Variants in PFKFB1 observed in about 807,000 individuals in gnomAD.
The protein encoded by PFKFB1 is 6-phosphofructo-2-kinase/fructose-2,6-biphosphatase 1, also known as 6-phosphofructo-2-kinase/fructose-2,6-bisphosphatase 1.
A neutral mutation model predicts 46.4 loss-of-function variants in PFKFB1; 34 were observed. That is an observed-to-expected ratio of 0.73 (90% CI 0.56 to 0.98). PFKFB1 has a LOEUF of 0.98. Among genes scored for constraint, PFKFB1 ranks in the 50% least tolerant of loss-of-function variants. The probability of loss-of-function intolerance (pLI) is 0.00; values close to 1 mark genes in which losing one functional copy is unlikely to be tolerated. For missense variants in PFKFB1, 393 were observed against 376.3 expected, an observed-to-expected ratio of 1.04 and a Z score of -0.37; for synonymous variants, 119 against 133.8, an observed-to-expected ratio of 0.89 and a Z score of 0.76.
At chrX:54,941,625 A>C (rs1379633998) in intron 10 of PFKFB1, among the ~76,000 whole-genome samples, 1 of 112,616 alleles carries the variant, frequency 8.9e-6, no homozygotes, top group Non-Finnish European at 1.9e-5. Flanking sequence ...CTATGCAGCC[A>C]AAAGACACAT....
intron 1 of PFKFB1, among the ~76,000 whole-genome samples, chrX:54,970,680 G>A (rs1456735514): frequency 6.1e-5 from 2 of 33,017 alleles, no homozygotes; most frequent in South Asian, 8.1e-3. Context: ...CATTTTTTAT[G>A]GCTGCATAGT....
At chrX:54,962,355 C>T (rs1371233142) in intron 2 of PFKFB1, among the ~76,000 whole-genome samples, 2 of 111,938 alleles carry the variant, frequency 1.8e-5, no homozygotes, top group African/African-American at 3.2e-5. Context: ...GTTGGCATAT[C>T]CCTTTGTGAT....
chrX:54,945,518 T>C lies in PFKFB1; in HGVS notation c.1019A>G (p.Glu340Gly). 1 of 1,186,612 alleles carries C rather than the reference T, an allele frequency of 8.4e-7. No homozygotes were observed. Among genetic ancestry groups the C allele is most frequent in the Non-Finnish European group, 1.1e-6 (1 of 874,359 alleles). ...DAGVCEEMTY[E>G]EIQEHYPEEF... ...TTCAGGGTAATGTTCCTGGATTTCT[T>C]CATAGGTCATCTCCTCACAGACACC... Residue 340 changes from glutamate to glycine, a missense_variant, in exon 10 of 14, where the codon GAA (glutamate) becomes GGA (glycine). Physicochemically the swap from Glu to Gly is moderately conservative, Grantham distance 98. Coordinates refer to ENST00000375006, the MANE Select transcript of PFKFB1 (RefSeq NM_002625.4).
At position 54,952,070 on chromosome X, in the gene PFKFB1, G is replaced by C; in HGVS notation, c.681C>G (p.Tyr227Ter). 8.3e-7 allele frequency: 1 copy of C among 1,211,684 alleles called. No individual in the cohort carries two copies. The highest frequency in any genetic ancestry group is 1.1e-6 in the Non-Finnish European group (1 of 895,299). The change falls in exon 8 of 14, where the codon TAC becomes TAG. Residue 227 changes from tyrosine (Y) to a stop codon, truncating the protein, a stop_gained. Coordinates refer to ENST00000375006, the MANE Select transcript of PFKFB1 (RefSeq NM_002625.4). LOFTEE classifies it high-confidence loss of function. ...TGTGATCCTGCACTCGGTTCACCAT[G>C]TAGCGTGTGCCCACGTCGAAGATCT... ...YIKIFDVGTRYMVNRVQDHIQ... is the reference protein window; with the variant it reads ...YIKIFDVGTR
intron 1 of PFKFB1, among the ~76,000 whole-genome samples, chrX:54,967,329 G>A (rs1425436839): frequency 8.9e-6 from 1 of 111,893 alleles, no homozygotes; most frequent in African/African-American, 3.2e-5. Context: ...AAGCGATTTT[G>A]GAACAAATAT....
At chrX:54,972,551 C>T (rs190982165) in intron 1 of PFKFB1, among the ~76,000 whole-genome samples, 8 of 111,345 alleles carry the variant, frequency 7.2e-5, no homozygotes, top group South Asian at 3.8e-4. Flanking sequence ...GCATGAAGGG[C>T]TGTTGAATTT....
intron 1 of PFKFB1, among the ~76,000 whole-genome samples, chrX:54,972,410 T>C (rs1934699366): frequency 9.1e-6 from 1 of 109,626 alleles, no homozygotes; most frequent in Non-Finnish European, 1.9e-5. Context: ...CATCCCTGTC[T>C]TGTGCCAGTT....
intron 1 of PFKFB1, among the ~76,000 whole-genome samples, chrX:54,991,870 GA>G (rs1935251533): frequency 9.0e-6 from 1 of 111,543 alleles, no homozygotes; most frequent in Admixed American, 9.5e-5. Context: ...GATGAGAAAA[GA>G]ATATGCACAG....
intron 1 of PFKFB1, among the ~76,000 whole-genome samples, 174 bp from the exon 2 acceptor site, chrX:54,963,556 G>C (rs1295247859): frequency 8.9e-6 from 1 of 112,501 alleles, no homozygotes; most frequent in Non-Finnish European, 1.9e-5. Context: ...TGAGGTTGCA[G>C]TACCACAAAC....
Position 54,956,182 on chromosome X carries a change from G to C in PFKFB1, c.609C>G (p.Asn203Lys). ...FLKRIECYEV[N>K]YQPLDEELDS... ...CCAGTTCCTCATCCAAGGGTTGGTAGTTGACCTCATAGCACTCAATTCTCT... is the reference window on the plus strand; with the variant it reads ...CCAGTTCCTCATCCAAGGGTTGGTACTTGACCTCATAGCACTCAATTCTCT... Residue 203 changes from asparagine to lysine, a missense_variant, in exon 7 of 14, where the codon AAC becomes AAG. Physicochemically the swap from Asn to Lys is moderately conservative, Grantham distance 94 (BLOSUM62 0). Coordinates refer to ENST00000375006, the MANE Select transcript of PFKFB1 (RefSeq NM_002625.4). 8.3e-7 allele frequency: 1 copy of C among 1,209,179 alleles called. No homozygotes were observed. Among genetic ancestry groups the C allele is most frequent in the Non-Finnish European group, 1.1e-6 (1 of 893,104 alleles).
chrX:54,973,544 T>G (rs1019824599), intron 1 of PFKFB1, among the ~76,000 whole-genome samples: 2 of 111,726 alleles, frequency 1.8e-5, no homozygotes, highest in Non-Finnish European at 3.8e-5. Flanking sequence ...TGTTGTGTCT[T>G]GTTCTCGTTG....
chrX:54,947,180 A>G (rs1260174514), intron 9 of PFKFB1, among the ~76,000 whole-genome samples: 2 of 111,865 alleles, frequency 1.8e-5, no homozygotes, highest in Non-Finnish European at 3.8e-5. Flanking sequence ...CTCAAACCTG[A>G]GGCTTCAGCT....
chrX:54,977,475 C>A (rs1051820395), intron 1 of PFKFB1, among the ~76,000 whole-genome samples: 3 of 111,129 alleles, frequency 2.7e-5, no homozygotes, highest in Non-Finnish European at 5.7e-5. Flanking sequence ...TCAGGTATTT[C>A]ACAGTCTAAG....
Position 54,951,932 on chromosome X carries a change from G to A in PFKFB1, c.819C>T (p.Asp273=). Residue 273 remains aspartate, a synonymous_variant, in exon 8 of 14, where the codon GAC becomes GAT. Transcript: ENST00000375006. ...GCTTGCCGCGAACTGAGAGGCCAGA[G>A]TCACCTCCGATGCGGCCTCTGATGT... ...ELNIRGRIGG[D]SGLSVRGKQY... 8.3e-7 allele frequency: 1 copy of A among 1,204,621 alleles called. No homozygotes were observed. The highest frequency in any genetic ancestry group is 1.1e-6 in the Non-Finnish European group (1 of 891,555).
At chrX:54,984,355 T>C (rs1004331859) in intron 1 of PFKFB1, among the ~76,000 whole-genome samples, 5 of 111,999 alleles carry the variant, frequency 4.5e-5, no homozygotes, top group African/African-American at 1.6e-4. Context: ...GGCTGCAAGA[T>C]ACAAGATCAA....
At chrX:54,964,391 C>A (rs538562566) in intron 1 of PFKFB1, among the ~76,000 whole-genome samples, 1 of 110,034 alleles carries the variant, frequency 9.1e-6, no homozygotes, top group East Asian at 2.8e-4. Context: ...GATATATTAT[C>A]TCCAGGGTGT....
chrX:54,976,320 A>T (rs1233111381), intron 1 of PFKFB1, among the ~76,000 whole-genome samples: 1 of 111,722 alleles, frequency 9.0e-6, no homozygotes, highest in East Asian at 2.8e-4. Context: ...TTAGCAAAGC[A>T]TCTGAACAAA....
At chrX:54,953,275 G>A (rs1464511431) in intron 7 of PFKFB1, among the ~76,000 whole-genome samples, 1 of 111,705 alleles carries the variant, frequency 9.0e-6, no homozygotes, top group African/African-American at 3.3e-5. Context: ...ACTAACTCCA[G>A]GCAGGTAAGG....
At chrX:54,994,364 T>G, upstream of PFKFB1, 3 of 753,826 alleles carry the variant, frequency 4.0e-6, no homozygotes, top group Non-Finnish European at 4.7e-6. Flanking sequence ...ACCAGTCACT[T>G]CCCTCCAATG....
Sources: allele counts gnomAD v4.1 joint callset (sites outside exome capture counted in the v4.1 genomes callset), GRCh38; gene constraint gnomAD v4.1.1; transcripts MANE v1.5; gene names NCBI Gene and HGNC (gene_info 2026-07-23, HGNC 2026-07-21).